SHISA9: variants seen among roughly 807,000 people sequenced by gnomAD.
SHISA9 encodes the protein protein shisa-9.
Under a neutral mutation model 38.0 loss-of-function variants are expected in SHISA9, and 13 were observed. That is an observed-to-expected ratio of 0.34 (90% CI 0.22 to 0.54). SHISA9 has a LOEUF of 0.54. Among genes scored for constraint, SHISA9 ranks in the 20% least tolerant of loss-of-function variants. The pLI, the probability that SHISA9 is intolerant of heterozygous loss-of-function variation, is 0.91. For synonymous variants in SHISA9, 275 were observed against 242.0 expected, an observed-to-expected ratio of 1.14 and a Z score of -1.27; for missense variants, 538 against 575.8, an observed-to-expected ratio of 0.93 and a Z score of 0.67.
At chr16:13,526,194 T>C in the SHISA9 span, among the ~76,000 whole-genome samples, 1 of 152,224 alleles carries the variant, frequency 6.6e-6, no homozygotes, top group African/African-American at 2.4e-5. Context: ...GTTATTTCTC[T>C]TGTTATCAAA....
At chr16:13,510,491 T>A in the SHISA9 span, among the ~76,000 whole-genome samples, 1 of 152,190 alleles carries the variant, frequency 6.6e-6, no homozygotes, top group African/African-American at 2.4e-5. Flanking sequence ...AATAATTCAT[T>A]CATCCTCATA....
chr16:12,901,996 C>T lies in SHISA9; in HGVS notation c.-69C>T, dbSNP rs2071022090. On this transcript the variant is annotated 5_prime_UTR_variant, in exon 1 of 5. Transcript: ENST00000558583. ...CGGCAGCAGCCTCGGCAGCTTCGGC[C>T]GCGCCTCGAGAGGCGGCCGCAGAGG... is the stretch of plus-strand genomic sequence containing the variant. 3.9e-6 allele frequency: 5 copies of T among 1,291,936 alleles called. No individual in the cohort carries two copies. The highest frequency in any genetic ancestry group is 4.0e-6 in the Non-Finnish European group (4 of 1,012,404). 80.0% of individuals were successfully genotyped at this position (1,291,936 alleles called of 1,614,324 possible). A position where few individuals can be genotyped will look rare whatever the true frequency, so the allele number is the denominator to read the frequency against.
At chr16:12,950,366 T>C (rs2071738694) in intron 2 of SHISA9, among the ~76,000 whole-genome samples, 1 of 152,222 alleles carries the variant, frequency 6.6e-6, no homozygotes, top group Admixed American at 6.5e-5. Flanking sequence ...GTATCTTTTC[T>C]TTTGCATATA....
At chr16:12,965,674 C>T (rs556259091) in intron 2 of SHISA9, among the ~76,000 whole-genome samples, 22 of 152,300 alleles carry the variant, frequency 1.4e-4, no homozygotes, top group African/African-American at 5.1e-4. Context: ...TTTACTCCCC[C>T]TCCCACATCG....
the SHISA9 span, among the ~76,000 whole-genome samples, chr16:13,420,229 G>C: frequency 1.0e-5 from 1 of 98,686 alleles, no homozygotes; most frequent in Admixed American, 1.5e-4. Flanking sequence ...CTGGGCAACA[G>C]AGTGAGAATC....
At chr16:13,341,136 T>C in the SHISA9 span, among the ~76,000 whole-genome samples, 1 of 152,224 alleles carries the variant, frequency 6.6e-6, no homozygotes, top group Non-Finnish European at 1.5e-5. Flanking sequence ...CCCCAGCACC[T>C]GGCACAGTGC....
At chr16:13,380,915 T>C in the SHISA9 span, among the ~76,000 whole-genome samples, 2 of 149,464 alleles carry the variant, frequency 1.3e-5, no homozygotes, top group South Asian at 2.1e-4. Context: ...TGAGAACATG[T>C]AGTGTTTGGT....
the SHISA9 span, among the ~76,000 whole-genome samples, chr16:13,312,854 G>A: frequency 6.6e-6 from 1 of 152,080 alleles, no homozygotes; most frequent in Non-Finnish European, 1.5e-5. Flanking sequence ...ATGGACTAAA[G>A]AGAGAATATA....
At chr16:13,506,972 G>T in the SHISA9 span, among the ~76,000 whole-genome samples, 1 of 152,010 alleles carries the variant, frequency 6.6e-6, no homozygotes, top group Non-Finnish European at 1.5e-5. Context: ...GAGTCTGCGA[G>T]GTCGAAGCTG....
At chr16:13,088,343 C>A (rs1282243796) in intron 2 of SHISA9, among the ~76,000 whole-genome samples, 1 of 152,100 alleles carries the variant, frequency 6.6e-6, no homozygotes, top group African/African-American at 2.4e-5. Context: ...TTTTCCAATT[C>A]TGTGAAGAAA....
intron 4 of SHISA9, among the ~76,000 whole-genome samples, chr16:13,213,609 C>G (rs908099457): frequency 1.3e-4 from 20 of 151,242 alleles, no homozygotes; most frequent in African/African-American, 2.7e-4. Flanking sequence ...CAGAAAGCTG[C>G]AATGGCAAAT....
chr16:13,456,218 TTCTCA>T, the SHISA9 span, among the ~76,000 whole-genome samples: 22 of 152,236 alleles, frequency 1.4e-4, no homozygotes, highest in South Asian at 4.6e-3. Context: ...TGACGGGACT[TTCTCA>T]TCTCATCCTT....
the SHISA9 span, among the ~76,000 whole-genome samples, chr16:13,478,017 C>T: frequency 6.6e-6 from 1 of 152,168 alleles, no homozygotes; most frequent in African/African-American, 2.4e-5. Flanking sequence ...TTCTCTCCCT[C>T]TTATTTTCTG....
chr16:13,051,258 C>T (rs1596613016), intron 2 of SHISA9, among the ~76,000 whole-genome samples: 1 of 152,204 alleles, frequency 6.6e-6, no homozygotes. Context: ...AACATGGCAG[C>T]AGCCAAGAGA....
chr16:13,143,518 G>A (rs1567226228), intron 2 of SHISA9, among the ~76,000 whole-genome samples: 2 of 152,184 alleles, frequency 1.3e-5, no homozygotes, highest in African/African-American at 2.4e-5. Flanking sequence ...ATGGGAAGCT[G>A]TACTGTGATC....
the SHISA9 span, among the ~76,000 whole-genome samples, chr16:13,262,646 A>AAGGAAGGAAGGAAGGGAGGGAGGG: frequency 1.4e-5 from 1 of 69,980 alleles, no homozygotes. Flanking sequence ...GGAAGGAAGG[A>AAGGAAGGAAGGAAGGGAGGGAGGG]AGGAAGGAAG....
intron 4 of SHISA9, among the ~76,000 whole-genome samples, chr16:13,215,798 A>C (rs924344789): frequency 6.6e-6 from 1 of 151,974 alleles, no homozygotes; most frequent in Non-Finnish European, 1.5e-5. Flanking sequence ...AGTGTTCTCT[A>C]CTCAACCTCT....
chr16:13,328,797 GC>G, the SHISA9 span, among the ~76,000 whole-genome samples: 1 of 152,140 alleles, frequency 6.6e-6, no homozygotes, highest in African/African-American at 2.4e-5. Context: ...ATAAGAGGCA[GC>G]CTACTGCACT....
chr16:13,058,845 A>G lies in SHISA9; in HGVS notation c.691+142030A>G, dbSNP rs539964512. Among the ~76,000 whole-genome samples the G allele has an allele frequency of 1.4e-4, 22 of 152,216 alleles. No individual in the cohort carries two copies. In the South Asian group the frequency reaches 4.4e-3, roughly 30 times the overall value. Reference sequence around the variant, plus strand: ...AGGGATCCAGGCAGGACCAGCACACATAATACCGTTGCTCACTAACTAACC... The same window carrying G: ...AGGGATCCAGGCAGGACCAGCACACGTAATACCGTTGCTCACTAACTAACC... On this transcript the variant is annotated intron_variant, in intron 2 of 4. Transcript: ENST00000558583.
Sources: gnomAD v4.1 joint callset for allele counts (sites outside exome capture counted in the v4.1 genomes callset) on GRCh38, gnomAD v4.1.1 for gene constraint, MANE v1.5 for transcripts, NCBI Gene and HGNC (gene_info 2026-07-23, HGNC 2026-07-21) for gene names.